AGAP5: variants seen among roughly 807,000 people sequenced by gnomAD.
AGAP5 encodes ArfGAP with GTPase domain, ankyrin repeat and PH domain 5.
In AGAP5, 8 loss-of-function variants were observed where a neutral mutation model predicts 27.7. That is an observed-to-expected ratio of 0.29 (90% CI 0.17 to 0.52). The LOEUF is 0.52. AGAP5 is among the 20% of genes least tolerant of loss of function. The probability of loss-of-function intolerance (pLI) is 0.97; values close to 1 mark genes in which losing one functional copy is unlikely to be tolerated. For synonymous variants in AGAP5, 111 were observed against 338.0 expected, an observed-to-expected ratio of 0.33 and a Z score of 7.37; for missense variants, 285 against 880.8, an observed-to-expected ratio of 0.32 and a Z score of 8.56.
intron 6 of AGAP5, among the ~76,000 whole-genome samples, chr10:73,677,388 T>A (rs1462367129): frequency 9.8e-6 from 1 of 102,282 alleles, no homozygotes; most frequent in African/African-American, 3.9e-5. Context: ...TTTTTTTTTT[T>A]TTTTTTTTTT....
intron 3 of AGAP5, among the ~76,000 whole-genome samples, chr10:73,694,021 G>A (rs1402704020): frequency 2.0e-5 from 3 of 152,084 alleles, no homozygotes; most frequent in Non-Finnish European, 4.4e-5. Context: ...ACAAACTCCC[G>A]TGTTTTACTG....
rs369912361 is a variant in AGAP5, at chr10:73,697,720, G to A, written c.36C>T (p.Ser12=). The A allele has an allele frequency of 4.7e-5, 75 of 1,597,736 alleles. No individual in the cohort carries two copies. Among genetic ancestry groups the A allele is most frequent in the Middle Eastern group, 2.2e-4 (1 of 4,590 alleles). The change falls in exon 1 of 8, where the codon AGC becomes AGT. Residue 12 remains serine (S), a synonymous_variant. Transcript: ENST00000374094. ...GNILTCCVHP[S]VSLEFDQQQG... ...GTTGCTGGTCAAACTCGAGGCTGAC[G>A]CTAGGGTGCACACAACAGGTCAGTA...
chr10:73,697,620 C>T lies in AGAP5; in HGVS notation c.136G>A (p.Ala46Thr), dbSNP rs1464783675. The T allele has an allele frequency of 3.1e-6, 5 of 1,608,954 alleles. No individual in the cohort carries two copies. Among genetic ancestry groups the T allele is most frequent in the Middle Eastern group, 1.8e-4 (1 of 5,572 alleles). ...ACCTCAGCAGGCTGCACAGCAGCAG[C>T]CATGGGCGCTCCTGCCATCCTGTCC... ...AGDRMAGAPMAAAVQPAEVTV... is the reference protein window; with the variant it reads ...AGDRMAGAPMTAAVQPAEVTV... Residue 46 changes from alanine to threonine, a missense_variant, in exon 1 of 8, where the codon GCT (alanine) becomes ACT (threonine). Transcript: ENST00000374094.
intron 4 of AGAP5, among the ~76,000 whole-genome samples, chr10:73,685,500 T>C (rs2082055722): frequency 6.6e-6 from 1 of 152,156 alleles, no homozygotes; most frequent in Non-Finnish European, 1.5e-5. Context: ...CTTGTGTATG[T>C]TAATCCATCC....
intron 4 of AGAP5, among the ~76,000 whole-genome samples, chr10:73,691,476 T>C (rs1334555422): frequency 3.3e-5 from 5 of 151,704 alleles, no homozygotes; most frequent in Admixed American, 3.3e-4. Flanking sequence ...AAAAATAAGA[T>C]TAAATATTTA....
At chr10:73,693,424 G>A (rs1201232400) in intron 3 of AGAP5, among the ~76,000 whole-genome samples, 2 of 152,102 alleles carry the variant, frequency 1.3e-5, no homozygotes, top group Admixed American at 1.3e-4. Context: ...CTGGCCAGGT[G>A]CGGTGGCTGA....
chr10:73,687,822 G>A (rs1479532645), intron 4 of AGAP5, among the ~76,000 whole-genome samples: 2 of 152,194 alleles, frequency 1.3e-5, no homozygotes, highest in Non-Finnish European at 2.9e-5. Context: ...AGCACAGAAG[G>A]TTGACAGAGA....
intron 6 of AGAP5, among the ~76,000 whole-genome samples, chr10:73,678,936 C>G (rs2082002242): frequency 6.6e-6 from 1 of 151,666 alleles, no homozygotes; most frequent in Non-Finnish European, 1.5e-5. Flanking sequence ...TCACTGCAAC[C>G]TCCACCTCCC....
At chr10:73,687,817 A>C (rs1475589310) in intron 4 of AGAP5, among the ~76,000 whole-genome samples, 1 of 152,216 alleles carries the variant, frequency 6.6e-6, no homozygotes, top group East Asian at 1.9e-4. Context: ...TGACCAGCAC[A>C]GAAGGTTGAC....
intron 4 of AGAP5, among the ~76,000 whole-genome samples, chr10:73,690,380 T>C (rs894018799): frequency 6.6e-6 from 1 of 152,180 alleles, no homozygotes; most frequent in Non-Finnish European, 1.5e-5. Flanking sequence ...GGTGCCAAGA[T>C]GTGCTTTGTT....
intron 3 of AGAP5, among the ~76,000 whole-genome samples, chr10:73,694,413 G>T (rs1392218083): frequency 6.6e-6 from 1 of 151,830 alleles, no homozygotes; most frequent in Admixed American, 6.6e-5. Flanking sequence ...CAAGGGAAAA[G>T]GGATTATAAA....
At chr10:73,689,766 G>C (rs1318084654) in intron 4 of AGAP5, among the ~76,000 whole-genome samples, 1 of 151,624 alleles carries the variant, frequency 6.6e-6, no homozygotes, top group African/African-American at 2.4e-5. Context: ...GCCCCCGTCT[G>C]AGAAGTGAGG....
chr10:73,688,938 C>CCTCCTCTGCCTCCTCTGT (rs1164186595), intron 4 of AGAP5, among the ~76,000 whole-genome samples: 2 of 151,966 alleles, frequency 1.3e-5, no homozygotes, highest in South Asian at 4.1e-4. Context: ...TCTGCCTCTG[C>CCTCCTCTGCCTCCTCTGT]CTCCTCTGCC....
intron 5 of AGAP5, chr10:73,681,442 C>T: frequency 2.0e-6 from 2 of 985,424 alleles, no homozygotes; most frequent in Non-Finnish European, 2.4e-6. Context: ...TGCCACCTAT[C>T]CCACTGACAA....
intron 3 of AGAP5, among the ~76,000 whole-genome samples, chr10:73,692,895 T>G (rs1482069411): frequency 5.3e-5 from 8 of 152,192 alleles, no homozygotes; most frequent in Middle Eastern, 3.4e-3. Context: ...TCCACCCACC[T>G]CAGCCTCCCA....
chr10:73,697,772 C>T lies in AGAP5; in HGVS notation c.-17G>A. 1 of 1,597,388 alleles carries T rather than the reference C, an allele frequency of 6.3e-7. No homozygotes were observed. The highest frequency in any genetic ancestry group is 8.5e-7 in the Non-Finnish European group (1 of 1,179,628). The stretch of plus-strand genomic sequence containing the variant: ...GTTCCCCATGGGGCGCCTCTACTGT[C>T]TGCCACCACCTGTGCCTCTGCTCAC... On this transcript the variant is annotated 5_prime_UTR_variant, in exon 1 of 8. Coordinates refer to ENST00000374094, the MANE Select transcript of AGAP5 (RefSeq NM_001144000.4).
At chr10:73,687,182 A>C (rs2082071881) in intron 4 of AGAP5, among the ~76,000 whole-genome samples, 1 of 152,246 alleles carries the variant, frequency 6.6e-6, no homozygotes, top group Admixed American at 6.5e-5. Flanking sequence ...AAAATAAAAC[A>C]AAGACTAAAG....
chr10:73,682,815 A>G, intron 4 of AGAP5, 21 bp from the exon 5 acceptor site: 1 of 1,612,534 alleles, frequency 6.2e-7, no homozygotes. Flanking sequence ...AGGGAAGTGT[A>G]AGTCAAATTT....
At chr10:73,683,001 T>C (rs1479998867) in intron 4 of AGAP5, among the ~76,000 whole-genome samples, 1 of 76,794 alleles carries the variant, frequency 1.3e-5, no homozygotes, top group Non-Finnish European at 2.5e-5. Flanking sequence ...CTGCCCTTAA[T>C]ATGGTACCTG....
Sources: gnomAD v4.1 joint callset for allele counts (sites outside exome capture counted in the v4.1 genomes callset) on GRCh38, gnomAD v4.1.1 for gene constraint, MANE v1.5 for transcripts, NCBI Gene and HGNC (gene_info 2026-07-23, HGNC 2026-07-21) for gene names.